Variants in TEX9 observed in about 807,000 individuals in gnomAD.
TEX9 encodes testis expressed 9.
TEX9 carries 74 observed loss-of-function variants against 59.6 expected under a neutral mutation model. The ratio of observed to expected loss-of-function variants is 1.24; its 90% CI spans 1.03 to 1.51. The LOEUF is 1.51. TEX9 is among the 40% of genes most tolerant of loss of function. TEX9 has a pLI of 0.00. For synonymous variants in TEX9, 186 were observed against 152.2 expected, an observed-to-expected ratio of 1.22 and a Z score of -1.64; for missense variants, 522 against 447.8, an observed-to-expected ratio of 1.17 and a Z score of -1.49.
At chr15:56,353,312 C>A (rs1311275834) in intron 1 of TEX9, among the ~76,000 whole-genome samples, 1 of 152,084 alleles carries the variant, frequency 6.6e-6, no homozygotes, top group African/African-American at 2.4e-5. Context: ...TCTAAGGATG[C>A]TACAAAAAAT....
intron 1 of TEX9, among the ~76,000 whole-genome samples, chr15:56,319,477 A>G (rs2141685072): frequency 6.6e-6 from 1 of 152,152 alleles, no homozygotes; most frequent in East Asian, 1.9e-4. Flanking sequence ...GTATGCAAAA[A>G]TTTTAATCAC....
chr15:56,422,633 T>G (rs543768569), intron 10 of TEX9, among the ~76,000 whole-genome samples: 2 of 151,864 alleles, frequency 1.3e-5, no homozygotes, highest in South Asian at 2.1e-4. Flanking sequence ...AAACTCTACA[T>G]TGTTAATTTA....
chr15:56,293,898 T>C (rs773888701), intron 1 of TEX9, among the ~76,000 whole-genome samples: 25 of 152,372 alleles, frequency 1.6e-4, no homozygotes, highest in Admixed American at 5.9e-4. Flanking sequence ...TATTAATCCC[T>C]GTATTAAACC....
intron 3 of TEX9, among the ~76,000 whole-genome samples, chr15:56,374,782 C>G (rs2047354327): frequency 6.6e-6 from 1 of 152,138 alleles, no homozygotes; most frequent in East Asian, 1.9e-4. Flanking sequence ...TCAGATCCCA[C>G]AAATAAGTGA....
intron 1 of TEX9, among the ~76,000 whole-genome samples, chr15:56,267,234 G>A (rs2044407304): frequency 6.6e-6 from 1 of 152,184 alleles, no homozygotes; most frequent in African/African-American, 2.4e-5. Flanking sequence ...TTAGCCCTTT[G>A]TCAGATGAAT....
intron 10 of TEX9, among the ~76,000 whole-genome samples, chr15:56,424,032 A>G (rs2050124336): frequency 6.6e-6 from 1 of 151,644 alleles, no homozygotes; most frequent in African/African-American, 2.4e-5. Flanking sequence ...CAAGTCCCTT[A>G]TTGCTTTATT....
At chr15:56,327,401 A>G (rs1394916974) in intron 1 of TEX9, among the ~76,000 whole-genome samples, 1 of 152,210 alleles carries the variant, frequency 6.6e-6, no homozygotes, top group Admixed American at 6.5e-5. Context: ...TGCTTAAAAG[A>G]TATAAACAGT....
chr15:56,321,443 G>A (rs1419527670), intron 1 of TEX9, among the ~76,000 whole-genome samples: 1 of 152,142 alleles, frequency 6.6e-6, no homozygotes, highest in African/African-American at 2.4e-5. Context: ...GTAACCTTCA[G>A]CAATTCAACA....
chr15:56,458,929 G>C, the TEX9 span, among the ~76,000 whole-genome samples: 1 of 152,042 alleles, frequency 6.6e-6, no homozygotes, highest in Non-Finnish European at 1.5e-5. Flanking sequence ...TTGTGCTATG[G>C]CAGCTATAAA....
At chr15:56,339,339 C>T (rs1262408312) in intron 1 of TEX9, among the ~76,000 whole-genome samples, 3 of 127,702 alleles carry the variant, frequency 2.3e-5, no homozygotes, top group African/African-American at 3.5e-5. Flanking sequence ...GCCCTGATCA[C>T]GCCACTGCAC....
chr15:56,270,301 C>G (rs2044496998), intron 1 of TEX9, among the ~76,000 whole-genome samples: 1 of 152,128 alleles, frequency 6.6e-6, no homozygotes, highest in Non-Finnish European at 1.5e-5. Context: ...ATAGGTCTCT[C>G]AGGACTTGCT....
At chr15:56,391,216 C>CAT in intron 6 of TEX9, 27 bp from the exon 7 acceptor site, 1 of 1,467,862 alleles carries the variant, frequency 6.8e-7, no homozygotes. Flanking sequence ...TATATACATA[C>CAT]ATATGTATTT....
At chr15:56,316,640 G>T (rs1225673918) in intron 1 of TEX9, among the ~76,000 whole-genome samples, 2 of 152,164 alleles carry the variant, frequency 1.3e-5, no homozygotes, top group Admixed American at 6.5e-5. Flanking sequence ...GGAGCCTACA[G>T]AGGCAGGCAG....
intron 7 of TEX9, among the ~76,000 whole-genome samples, chr15:56,392,570 C>G (rs2048266762): frequency 6.6e-6 from 1 of 152,128 alleles, no homozygotes; most frequent in African/African-American, 2.4e-5. Flanking sequence ...GGTGGGGACA[C>G]AGATCCAAAC....
chr15:56,361,114 A>G (rs1461006509), upstream of TEX9, among the ~76,000 whole-genome samples: 1 of 152,096 alleles, frequency 6.6e-6, no homozygotes, highest in African/African-American at 2.4e-5. Flanking sequence ...GGTTACTTGG[A>G]TCTTCTCTTT....
intron 1 of TEX9, among the ~76,000 whole-genome samples, chr15:56,325,247 T>G (rs1474698165): frequency 2.0e-5 from 3 of 152,192 alleles, no homozygotes; most frequent in Admixed American, 1.3e-4. Flanking sequence ...TTAAGTCACT[T>G]TCTCAAGGTT....
At chr15:56,429,951 T>TATTA (rs2140310867) in intron 12 of TEX9, 1 of 152,334 alleles carries the variant, frequency 6.6e-6, no homozygotes, top group Admixed American at 6.5e-5. Flanking sequence ...TTATGAAATG[T>TATTA]ATTAATTACA....
chr15:56,361,806 G>A (rs1596116026), upstream of TEX9, among the ~76,000 whole-genome samples: 1 of 152,218 alleles, frequency 6.6e-6, no homozygotes, highest in African/African-American at 2.4e-5. Flanking sequence ...AGAGGTTGTA[G>A]TGATGCAGCT....
rs192381738 is a variant in TEX9, at chr15:56,421,020, T to C, written c.964-6585T>C. Among the ~76,000 whole-genome samples the C allele has an allele frequency of 1.1e-4, 17 of 151,984 alleles. 1 individual carries two copies. The highest frequency in any genetic ancestry group is 3.6e-4 in the African/African-American group (15 of 41,244). On this transcript the variant is annotated intron_variant, in intron 10 of 12. Coordinates refer to ENST00000352903, the Ensembl canonical transcript of TEX9. ...CTTGATAGGAATGTGCATTCTGTAT[T>C]TGTTAGGTGGAGTATTCTATAAATG...
Sources: gnomAD v4.1 joint callset for allele counts (sites outside exome capture counted in the v4.1 genomes callset) on GRCh38, gnomAD v4.1.1 for gene constraint, MANE v1.5 for transcripts, NCBI Gene and HGNC (gene_info 2026-07-23, HGNC 2026-07-21) for gene names.